PMPCB: variants seen among roughly 807,000 people sequenced by gnomAD.
The protein encoded by PMPCB is peptidase, mitochondrial processing subunit beta.
In PMPCB, 46 loss-of-function variants were observed where a neutral mutation model predicts 61.5. The observed-to-expected ratio is 0.75, with a 90% confidence interval of 0.59 to 0.96. The LOEUF is 0.96. PMPCB is among the 40% of genes least tolerant of loss of function. The pLI, the probability that PMPCB is intolerant of heterozygous loss-of-function variation, is 0.00. For missense variants in PMPCB, 590 were observed against 602.4 expected (o/e 0.98, Z 0.22); for synonymous variants, 191 against 201.6 (o/e 0.95, Z 0.44).
At chr7:103,323,606 T>C in intron 12 of PMPCB, 1 of 1,467,130 alleles carries the variant, frequency 6.8e-7, no homozygotes. Flanking sequence ...ACCATTCTGC[T>C]TTTTCTTTTT....
rs1817871707 is a variant in PMPCB at position 103,313,446 on chromosome 7, A to T, written c.*1175A>T. The T allele has an allele frequency of 4.1e-6, 4 of 984,896 alleles. No homozygotes were observed. Among genetic ancestry groups the T allele is most frequent in the South Asian group, 9.4e-5 (2 of 21,280 alleles). 61.0% of individuals were successfully genotyped at this position (984,896 alleles called of 1,614,324 possible). On this transcript the variant is annotated 3_prime_UTR_variant, in exon 13 of 13. Coordinates refer to ENST00000249269, the MANE Select transcript of PMPCB (RefSeq NM_004279.3). ...CTGTTGGACTCTTGGACTCAAAAAC[A>T]CAACCACAATTCATTAAGAGTTCTG...
At chr7:103,337,589 G>A in the PMPCB span, 105 of 601,098 alleles carry the variant, frequency 1.7e-4, no homozygotes, top group East Asian at 3.0e-5. Flanking sequence ...AGGGGAGACC[G>A]TGGTTTTTTG....
At chr7:103,307,093 A>G (rs900111049) in intron 6 of PMPCB, among the ~76,000 whole-genome samples, 3 of 151,774 alleles carry the variant, frequency 2.0e-5, no homozygotes, top group African/African-American at 4.8e-5. Context: ...GAGTCTTGCT[A>G]TGTTGTCCAG....
At chr7:103,299,593 C>A in intron 3 of PMPCB, 64 bp downstream of exon 3, 1 of 915,428 alleles carries the variant, frequency 1.1e-6, no homozygotes, top group East Asian at 2.5e-5. Context: ...AAGTCTCATT[C>A]TTTAGAGGCA....
intron 6 of PMPCB, among the ~76,000 whole-genome samples, chr7:103,305,721 TTAAA>T (rs1817558387): frequency 6.6e-6 from 1 of 152,246 alleles, no homozygotes; most frequent in South Asian, 2.1e-4. Flanking sequence ...GATGAAAACA[TTAAA>T]TATCAAACAT....
rs1817798583 is a variant in PMPCB at position 103,312,461 on chromosome 7, G to A, written c.*190G>A. On this transcript the variant is annotated 3_prime_UTR_variant, in exon 13 of 13. Transcript: ENST00000249269. ...CAGTCTTTGTTCTCTGAGAAATTAT[G>A]TTGGAAGCAGCATACTTTCAAATTA... The A allele has an allele frequency of 6.5e-7, 1 of 1,535,508 alleles. No individual in the cohort carries two copies. Among genetic ancestry groups the A allele is most frequent in the Non-Finnish European group, 8.7e-7 (1 of 1,149,220 alleles).
chr7:103,318,836 G>A (rs1158101663), downstream of PMPCB, among the ~76,000 whole-genome samples: 2 of 152,190 alleles, frequency 1.3e-5, no homozygotes, highest in Non-Finnish European at 1.5e-5. Flanking sequence ...AGCTATGCTT[G>A]TGATAGATAC....
At chr7:103,299,961 A>G (rs529567614) in intron 3 of PMPCB, among the ~76,000 whole-genome samples, 1 of 152,134 alleles carries the variant, frequency 6.6e-6, no homozygotes, top group South Asian at 2.1e-4. Context: ...GGGTTTTGCC[A>G]TGTTGGCCTC....
At chr7:103,309,748 A>G (rs377228085) in intron 8 of PMPCB, among the ~76,000 whole-genome samples, 14 of 152,226 alleles carry the variant, frequency 9.2e-5, no homozygotes, top group African/African-American at 3.1e-4. Flanking sequence ...AGTACATACT[A>G]AAGTATTTGG....
At chr7:103,340,084 C>T in the PMPCB span, among the ~76,000 whole-genome samples, 12 of 152,108 alleles carry the variant, frequency 7.9e-5, no homozygotes, top group Admixed American at 3.9e-4. Flanking sequence ...GTGATCTGCC[C>T]GCCTCAGCCT....
chr7:103,300,143 G>A (rs201881665), intron 3 of PMPCB, 35 bp from the exon 4 acceptor site: 242 of 1,588,282 alleles, frequency 1.5e-4, no homozygotes, highest in Non-Finnish European at 2.0e-4. Flanking sequence ...TATAAAGGGA[G>A]TTTGCATAAT....
intron 6 of PMPCB, among the ~76,000 whole-genome samples, chr7:103,305,661 A>G (rs1180432530): frequency 2.6e-5 from 4 of 152,356 alleles, no homozygotes; most frequent in Admixed American, 2.6e-4. Context: ...TAAAAATTCT[A>G]GTTGCTCTGG....
At chr7:103,337,490 T>C in the PMPCB span, 4 of 363,202 alleles carry the variant, frequency 1.1e-5, no homozygotes, top group Non-Finnish European at 2.0e-5. Flanking sequence ...GAGTATTTTG[T>C]ATCCACACAC....
At chr7:103,327,813 G>A (rs1818786608) in intron 12 of PMPCB, 2 of 1,045,136 alleles carry the variant, frequency 1.9e-6, no homozygotes, top group Non-Finnish European at 2.9e-6. Context: ...ATAAAGATGA[G>A]CTACATGTAG....
Position 103,319,877 on chromosome 7 carries a change from C to A in PMPCB, c.*1431+7746C>A, listed in dbSNP as rs761681108. ...CACAAACACAAAAATAGTATCTACA[C>A]TCAAAAATACATCCATCAACATAAT... On this transcript the variant is annotated intron_variant and NMD_transcript_variant, in intron 12 of 12. Transcript: ENST00000444457. 8.1e-6 allele frequency: 13 copies of A among 1,599,796 alleles called. No individual in the cohort carries two copies. The South Asian group carries it at 1.4e-4, about 18-fold the overall frequency.
intron 12 of PMPCB, among the ~76,000 whole-genome samples, chr7:103,320,152 G>A (rs563862807): frequency 2.6e-5 from 4 of 152,230 alleles, no homozygotes; most frequent in Admixed American, 2.0e-4. Flanking sequence ...CCAGTGGCAC[G>A]AAATCGGCTC....
intron 12 of PMPCB, chr7:103,319,993 C>T (rs1818291893): frequency 1.4e-6 from 1 of 717,294 alleles, no homozygotes; most frequent in Non-Finnish European, 2.4e-6. Context: ...GAGATCACGC[C>T]ACTGCACTCC....
the PMPCB span, among the ~76,000 whole-genome samples, chr7:103,338,035 G>C: frequency 6.6e-6 from 1 of 152,144 alleles, no homozygotes; most frequent in Admixed American, 6.5e-5. Flanking sequence ...GGGAGGCCCA[G>C]GTGGAGGATT....
chr7:103,297,707 T>G, intron 1 of PMPCB, 149 bp downstream of exon 1: 2 of 1,535,600 alleles, frequency 1.3e-6, no homozygotes, highest in Non-Finnish European at 1.7e-6. Context: ...CTGGGGCTGC[T>G]GAACTGGCCG....
Sources: allele counts gnomAD v4.1 joint callset (sites outside exome capture counted in the v4.1 genomes callset), GRCh38; gene constraint gnomAD v4.1.1; transcripts MANE v1.5; gene names NCBI Gene and HGNC (gene_info 2026-07-23, HGNC 2026-07-21).